Variants in PCDH15 observed in about 807,000 individuals in gnomAD.
The protein encoded by PCDH15 is protocadherin related 15.
PCDH15 carries 129 observed loss-of-function variants against 178.5 expected under a neutral mutation model. The observed-to-expected ratio is 0.72, with a 90% CI of 0.63 to 0.84. PCDH15 has a LOEUF of 0.84. Ranked by LOEUF, PCDH15 falls within the 40% of genes least tolerant of loss-of-function variation. The pLI, the probability that PCDH15 is intolerant of heterozygous loss-of-function variation, is 0.00. For synonymous variants in PCDH15, 800 were observed against 732.0 expected (o/e 1.09, Z -1.50); for missense variants, 2,230 against 2,099.9 (o/e 1.06, Z -1.21).
chr10:54,140,106 G>A (rs577234522), intron 14 of PCDH15, among the ~76,000 whole-genome samples: 5 of 152,192 alleles, frequency 3.3e-5, no homozygotes, highest in African/African-American at 9.6e-5. Flanking sequence ...AAATAGGAAT[G>A]CTTTGGCTAA....
chr10:55,502,205 G>A (rs1024745869), intron 2 of PCDH15, among the ~76,000 whole-genome samples: 8 of 151,534 alleles, frequency 5.3e-5, no homozygotes, highest in African/African-American at 1.2e-4. Flanking sequence ...CATATTGCAC[G>A]TCATTTCCAA....
intron 3 of PCDH15, among the ~76,000 whole-genome samples, chr10:54,820,906 C>A (rs1290432630): frequency 6.6e-6 from 1 of 151,860 alleles, no homozygotes; most frequent in Non-Finnish European, 1.5e-5. Flanking sequence ...CCTCAAAGAA[C>A]TTTTAAAGGT....
chr10:54,943,360 T>C (rs913337318), intron 2 of PCDH15, among the ~76,000 whole-genome samples: 1 of 151,984 alleles, frequency 6.6e-6, no homozygotes, highest in African/African-American at 2.4e-5. Flanking sequence ...AGACATTTTG[T>C]GATTACAATG....
At chr10:55,271,972 T>A (rs1280655202) in intron 1 of PCDH15, among the ~76,000 whole-genome samples, 1 of 152,166 alleles carries the variant, frequency 6.6e-6, no homozygotes, top group Non-Finnish European at 1.5e-5. Context: ...GGTATTTATC[T>A]AGAATAAAGA....
intron 26 of PCDH15, among the ~76,000 whole-genome samples, chr10:53,887,885 T>A (rs984825702): frequency 6.6e-6 from 1 of 151,250 alleles, no homozygotes; most frequent in African/African-American, 2.4e-5. Context: ...CAAGACTCCA[T>A]CTCCAAAAAA....
At chr10:55,359,611 T>A (rs1588951813) in intron 2 of PCDH15, among the ~76,000 whole-genome samples, 1 of 151,528 alleles carries the variant, frequency 6.6e-6, no homozygotes, top group East Asian at 1.9e-4. Flanking sequence ...GAAATCAGTA[T>A]GTCATAGATG....
chr10:54,818,817 A>G (rs1405640209), intron 3 of PCDH15, among the ~76,000 whole-genome samples: 1 of 152,066 alleles, frequency 6.6e-6, no homozygotes, highest in East Asian at 1.9e-4. Flanking sequence ...ATACAATTTG[A>G]TTGTTGCTTT....
At chr10:53,883,181 ATGTG>A (rs1195662760) in intron 26 of PCDH15, among the ~76,000 whole-genome samples, 1 of 152,028 alleles carries the variant, frequency 6.6e-6, no homozygotes, top group Non-Finnish European at 1.5e-5. Context: ...ACACATACAT[ATGTG>A]TGTGTATTCT....
chr10:54,073,004 C>T (rs2094274259), intron 17 of PCDH15, among the ~76,000 whole-genome samples: 1 of 152,086 alleles, frequency 6.6e-6, no homozygotes, highest in Non-Finnish European at 1.5e-5. Flanking sequence ...CATCTATTCC[C>T]TACCTGTCCA....
intron 11 of PCDH15, among the ~76,000 whole-genome samples, chr10:54,194,890 G>A (rs2049444208): frequency 6.6e-6 from 1 of 152,128 alleles, no homozygotes; most frequent in Non-Finnish European, 1.5e-5. Flanking sequence ...TCTCTTTTCT[G>A]TGTGTATCTC....
chr10:53,852,893 C>T (rs183857138), intron 28 of PCDH15, among the ~76,000 whole-genome samples: 1 of 152,070 alleles, frequency 6.6e-6, no homozygotes, highest in East Asian at 1.9e-4. Flanking sequence ...GTTTACTGGT[C>T]TCGTCACTAG....
At chr10:53,998,451 G>A (rs111307814) in intron 20 of PCDH15, among the ~76,000 whole-genome samples, 3,445 of 152,074 alleles carry the variant, frequency 0.023, 93 homozygotes, top group African/African-American at 0.063. Context: ...AGAAAACTAT[G>A]TTTTATTTAT....
intron 2 of PCDH15, among the ~76,000 whole-genome samples, chr10:54,622,833 T>C (rs1247175064): frequency 9.0e-6 from 1 of 110,994 alleles, no homozygotes; most frequent in East Asian, 2.8e-4. Flanking sequence ...CTATCTCTCG[T>C]GTCTGTGAGC....
At chr10:54,613,138 C>T (rs574198768) in intron 2 of PCDH15, among the ~76,000 whole-genome samples, 43 of 151,832 alleles carry the variant, frequency 2.8e-4, no homozygotes, top group Non-Finnish European at 2.8e-4. Context: ...CACGGCATTG[C>T]TATGTTTTTA....
intron 1 of PCDH15, among the ~76,000 whole-genome samples, chr10:54,701,671 CAG>C (rs2095310335): frequency 6.6e-6 from 1 of 151,966 alleles, no homozygotes; most frequent in South Asian, 2.1e-4. Flanking sequence ...TAAGAAAAAA[CAG>C]AGTTTAAACA....
intron 15 of PCDH15, among the ~76,000 whole-genome samples, chr10:54,130,196 CTA>C (rs1399720947): frequency 1.3e-5 from 2 of 151,988 alleles, no homozygotes; most frequent in Non-Finnish European, 2.9e-5. Flanking sequence ...GAAATTAGCT[CTA>C]TATTGGGTGG....
chr10:54,182,983 G>GGT (rs1554828580), intron 13 of PCDH15, among the ~76,000 whole-genome samples: 2 of 117,928 alleles, frequency 1.7e-5, no homozygotes, highest in Admixed American at 1.5e-4. Context: ...TTTTGTTTTT[G>GGT]TTTTTGTTTT....
chr10:55,043,579 GC>G (rs1296228520), intron 2 of PCDH15, among the ~76,000 whole-genome samples: 1 of 151,768 alleles, frequency 6.6e-6, no homozygotes, highest in Non-Finnish European at 1.5e-5. Flanking sequence ...TCACAGTGGT[GC>G]ATGTCTGTAG....
intron 18 of PCDH15, among the ~76,000 whole-genome samples, chr10:54,031,372 A>T (rs1415986887): frequency 1.3e-5 from 2 of 151,922 alleles, no homozygotes; most frequent in Non-Finnish European, 2.9e-5. Context: ...AGCAAAACTC[A>T]CTTTTTATTG....
Sources: gnomAD v4.1 joint callset for allele counts (sites outside exome capture counted in the v4.1 genomes callset) on GRCh38, gnomAD v4.1.1 for gene constraint, MANE v1.5 for transcripts, NCBI Gene and HGNC (gene_info 2026-07-23, HGNC 2026-07-21) for gene names.